The following MIGA1 variants were observed in gnomAD, a reference collection of about 807,000 sequenced individuals.
MIGA1 encodes the protein mitoguardin 1.
MIGA1 carries 58 observed loss-of-function variants against 82.0 expected under a neutral mutation model. The observed-to-expected ratio is 0.71, with a 90% CI of 0.57 to 0.88. MIGA1 has a LOEUF of 0.88. Among genes scored for constraint, MIGA1 ranks in the 40% least tolerant of loss-of-function variants. The pLI, the probability that MIGA1 is intolerant of heterozygous loss-of-function variation, is 0.00. For missense variants in MIGA1, 751 were observed against 749.1 expected, an observed-to-expected ratio of 1.00 and a Z score of -0.03; for synonymous variants, 249 against 253.6, an observed-to-expected ratio of 0.98 and a Z score of 0.17.
rs1685977068 is a variant in MIGA1, at chr1:77,871,126, GAGGGA to G, written c.1564-1877_1564-1873del. Among the ~76,000 whole-genome samples, 4 of 392 alleles carry G rather than the reference GAGGGA, an allele frequency of 0.01. No individual in the cohort carries two copies. The South Asian group carries it at 0.29, about 28-fold the overall frequency. The allele number at this position is 392 out of a possible 152,430, so 0.3% of individuals were successfully genotyped here. A position where few individuals can be genotyped will look rare whatever the true frequency, so the allele number is the denominator to read the frequency against. ...GGGAGAGGGAGAGGGAGAGGGAGAG[GAGGGA>G]GAGGGAGAGGGCAGCACATTTTCTA... On this transcript the variant is annotated intron_variant, in intron 14 of 15. Transcript: ENST00000370791.
At chr1:77,848,614 C>T (rs977907522) in intron 8 of MIGA1, 7 of 1,470,282 alleles carry the variant, frequency 4.8e-6, no homozygotes, top group Non-Finnish European at 6.6e-6. Context: ...TGAATCATCA[C>T]TGGGAGCAAA....
At chr1:77,822,425 C>G (rs754360962) in intron 7 of MIGA1, among the ~76,000 whole-genome samples, 5 of 151,624 alleles carry the variant, frequency 3.3e-5, no homozygotes, top group Non-Finnish European at 7.4e-5. Context: ...GATCCTGTCT[C>G]TAGAGAAAAA....
At chr1:77,859,257 A>G (rs962593952) in intron 9 of MIGA1, 57 bp from the exon 10 acceptor site, 3 of 1,403,302 alleles carry the variant, frequency 2.1e-6, no homozygotes, top group Non-Finnish European at 3.0e-6. Context: ...ATCCAAATTT[A>G]TAGTAGGCTT....
chr1:77,808,501 GA>G (rs904478122), intron 5 of MIGA1, among the ~76,000 whole-genome samples: 128 of 152,098 alleles, frequency 8.4e-4, no homozygotes, highest in African/African-American at 2.9e-3. Flanking sequence ...ATTATATCCA[GA>G]AAAAAATTTT....
At chr1:77,819,220 G>T (rs918851428) in intron 7 of MIGA1, among the ~76,000 whole-genome samples, 8 of 152,118 alleles carry the variant, frequency 5.3e-5, no homozygotes, top group African/African-American at 1.9e-4. Flanking sequence ...GGGTTACACA[G>T]CTATTAAGTG....
At chr1:77,805,719 C>G (rs1208982554) in intron 4 of MIGA1, among the ~76,000 whole-genome samples, 1 of 151,640 alleles carries the variant, frequency 6.6e-6, no homozygotes, top group African/African-American at 2.4e-5. Context: ...TGCATGGTTT[C>G]ACCATGTTGG....
Position 77,795,343 on chromosome 1 carries a change from C to A in MIGA1, c.196-5988C>A, listed in dbSNP as rs553252238. 5.9e-5 allele frequency among the ~76,000 whole-genome samples: 9 copies of A among 151,368 alleles called. No homozygotes were observed. In the South Asian group the frequency reaches 1.7e-3, roughly 28 times the overall value. On this transcript the variant is annotated intron_variant, in intron 2 of 15. Coordinates refer to ENST00000370791, the MANE Select transcript of MIGA1 (RefSeq NM_198549.4). ...TACATTTATTATTTGGAATATTTTTCTTTTTCTTTTCTTTTTTTTTTTGAG... is the reference window on the plus strand; with the variant it reads ...TACATTTATTATTTGGAATATTTTTATTTTTCTTTTCTTTTTTTTTTTGAG...
chr1:77,833,475 T>C (rs1423781589), intron 7 of MIGA1, among the ~76,000 whole-genome samples: 4 of 152,192 alleles, frequency 2.6e-5, no homozygotes, highest in Non-Finnish European at 5.9e-5. Context: ...AAATTTCTGG[T>C]GCTTGCCTTT....
At chr1:77,790,991 G>A (rs990577363) in intron 2 of MIGA1, among the ~76,000 whole-genome samples, 21 of 152,060 alleles carry the variant, frequency 1.4e-4, no homozygotes, top group African/African-American at 5.1e-4. Context: ...GTTTATTCCT[G>A]TAATCCCAGC....
In MIGA1 at chr1:77,801,491, G is replaced by T; in HGVS notation, c.356G>T (p.Arg119Ile). The change falls in exon 3 of 16, where the codon AGA (arginine) becomes ATA (isoleucine). Residue 119 changes from arginine (R) to isoleucine (I), a missense_variant. This residue lies in a region of MIGA1 where 482 missense variants were observed against 439.4 expected (regional missense o/e 1.10). Transcript: ENST00000370791. ...CACCTCATACTTGAATACACTAAAAGAGCAGCATCAGACAAAGGTATGTGG... is the reference window on the plus strand; with the variant it reads ...CACCTCATACTTGAATACACTAAAATAGCAGCATCAGACAAAGGTATGTGG... 6.3e-7 allele frequency: 1 copy of T among 1,599,336 alleles called. No homozygotes were observed. Among genetic ancestry groups the T allele is most frequent in the Non-Finnish European group, 8.5e-7 (1 of 1,177,226 alleles).
intron 7 of MIGA1, among the ~76,000 whole-genome samples, chr1:77,836,909 G>T (rs1480037947): frequency 6.6e-6 from 1 of 151,896 alleles, no homozygotes; most frequent in African/African-American, 2.4e-5. Flanking sequence ...TTAGAAAATG[G>T]CTTTTTTTCC....
At chr1:77,819,857 C>T (rs1683734008) in intron 7 of MIGA1, among the ~76,000 whole-genome samples, 1 of 152,084 alleles carries the variant, frequency 6.6e-6, no homozygotes, top group South Asian at 2.1e-4. Flanking sequence ...GCCTGGATTA[C>T]AGGTATGAGC....
At chr1:77,799,058 A>G (rs1209830070) in intron 2 of MIGA1, among the ~76,000 whole-genome samples, 1 of 152,066 alleles carries the variant, frequency 6.6e-6, no homozygotes, top group African/African-American at 2.4e-5. Context: ...GATGTATACC[A>G]CTTGGTTATT....
At chr1:77,873,238 A>T in intron 15 of MIGA1, 118 bp downstream of exon 15, 1 of 1,018,932 alleles carries the variant, frequency 9.8e-7, no homozygotes, top group Non-Finnish European at 1.4e-6. Context: ...GTAAAGTTAT[A>T]AAAGTCACCT....
intron 8 of MIGA1, among the ~76,000 whole-genome samples, chr1:77,855,195 A>C (rs1685203307): frequency 6.6e-6 from 1 of 152,114 alleles, no homozygotes. Flanking sequence ...GTCAAAGATC[A>C]GTTGGCTGAA....
At position 77,864,017 on chromosome 1, in the gene MIGA1, T is replaced by C; in HGVS notation, c.1498T>C (p.Phe500Leu). Residue 500 changes from phenylalanine to leucine, a missense_variant, in exon 13 of 16, where the codon TTC (phenylalanine) becomes CTC (leucine). Transcript: ENST00000370791. ...AAATAATCGATGGCTAAACTCATCC[T>C]TCAAAGAAACAGTAAGTGGTGGTTA... 6.2e-7 allele frequency: 1 copy of C among 1,603,386 alleles called. No individual in the cohort carries two copies.
chr1:77,861,290 G>A lies in MIGA1; in HGVS notation c.1342G>A (p.Gly448Ser). The stretch of plus-strand genomic sequence containing the variant: ...TTTTTTAGAGCAGACCGATCACTGG[G>A]GTAGTACTGAAATGGAACTTGCTGC... Residue 448 changes from glycine to serine, a missense_variant, in exon 12 of 16, where the codon GGT becomes AGT. Gly to Ser is a moderately conservative substitution (Grantham distance 56, BLOSUM62 0). This residue lies in a region of MIGA1 where 265 missense variants were observed against 293.6 expected (regional missense o/e 0.90). Transcript: ENST00000370791. 1 of 1,612,916 alleles carries A rather than the reference G, an allele frequency of 6.2e-7. No individual in the cohort carries two copies.
At chr1:77,824,547 C>G (rs895154769) in intron 7 of MIGA1, among the ~76,000 whole-genome samples, 23 of 152,150 alleles carry the variant, frequency 1.5e-4, no homozygotes, top group Admixed American at 4.6e-4. Context: ...AACAGTGAGA[C>G]TCAGTCTCTA....
chr1:77,852,213 AATAG>A (rs1195519241), intron 8 of MIGA1, among the ~76,000 whole-genome samples: 2 of 151,978 alleles, frequency 1.3e-5, no homozygotes, highest in African/African-American at 4.8e-5. Context: ...ATTTTTCTCT[AATAG>A]AGGATAGAGA....
Sources: gnomAD v4.1 joint callset for allele counts (sites outside exome capture counted in the v4.1 genomes callset) on GRCh38, gnomAD v4.1.1 for gene constraint, gnomAD v4.1.1 regional missense constraint, MANE v1.5 for transcripts, NCBI Gene and HGNC (gene_info 2026-07-23, HGNC 2026-07-21) for gene names.